The following DPP10 variants were observed in gnomAD, a reference collection of about 807,000 sequenced individuals.
DPP10 encodes the protein inactive dipeptidyl peptidase 10.
In DPP10, 33 loss-of-function variants were observed where a neutral mutation model predicts 120.9. That is an observed-to-expected ratio of 0.27 (90% confidence interval 0.21 to 0.37). The LOEUF is 0.37. DPP10 is among the 10% of genes least tolerant of loss of function. DPP10 has a pLI of 1.00. For missense variants in DPP10, 816 were observed against 942.8 expected (o/e 0.87, Z 1.76); for synonymous variants, 337 against 326.1 (o/e 1.03, Z -0.36).
chr2:115,174,142 C>G (rs753383943), intron 1 of DPP10, among the ~76,000 whole-genome samples: 7 of 152,122 alleles, frequency 4.6e-5, no homozygotes, highest in Non-Finnish European at 7.4e-5. Context: ...ATAAGGTTAA[C>G]TATCATGGTT....
chr2:115,215,346 T>C (rs2056757502), intron 1 of DPP10, among the ~76,000 whole-genome samples: 1 of 152,198 alleles, frequency 6.6e-6, no homozygotes, highest in Non-Finnish European at 1.5e-5. Context: ...GATTAACATA[T>C]TAAGTTCTGA....
At chr2:114,948,937 T>A (rs1333489964) in intron 1 of DPP10, among the ~76,000 whole-genome samples, 6 of 151,904 alleles carry the variant, frequency 3.9e-5, no homozygotes, top group Admixed American at 1.3e-4. Flanking sequence ...TTTGTTTTTT[T>A]TTTTTGAGAG....
At chr2:115,148,887 A>T (rs2051379125) in intron 1 of DPP10, among the ~76,000 whole-genome samples, 1 of 151,992 alleles carries the variant, frequency 6.6e-6, no homozygotes, top group Admixed American at 6.6e-5. Flanking sequence ...CTTTTTTTGC[A>T]TTTTTATTGT....
At chr2:114,901,430 T>G (rs943887482) in intron 1 of DPP10, among the ~76,000 whole-genome samples, 2 of 152,110 alleles carry the variant, frequency 1.3e-5, no homozygotes, top group African/African-American at 2.4e-5. Flanking sequence ...TCTCCTGACC[T>G]CGTGATCTGC....
intron 1 of DPP10, among the ~76,000 whole-genome samples, chr2:115,093,498 G>A (rs1573586993): frequency 6.6e-6 from 1 of 152,008 alleles, no homozygotes; most frequent in African/African-American, 2.4e-5. Flanking sequence ...TGATAGTTAT[G>A]TAAAGTTTAT....
chr2:115,216,870 G>GTGTATATATGTGTAT (rs2056856036), intron 1 of DPP10, among the ~76,000 whole-genome samples: 1 of 151,900 alleles, frequency 6.6e-6, no homozygotes, highest in Non-Finnish European at 1.5e-5. Context: ...TTTGGACATA[G>GTGTATATATGTGTAT]ACATATACGT....
At chr2:115,682,599 G>C (rs1028346798) in intron 5 of DPP10, among the ~76,000 whole-genome samples, 1 of 151,610 alleles carries the variant, frequency 6.6e-6, no homozygotes, top group African/African-American at 2.4e-5. Flanking sequence ...ATCTCCTTTG[G>C]GGTAATAAAG....
intron 1 of DPP10, among the ~76,000 whole-genome samples, chr2:114,471,631 GAA>G (rs1679920271): frequency 6.6e-6 from 1 of 152,100 alleles, no homozygotes; most frequent in African/African-American, 2.4e-5. Context: ...TTTTCAATAT[GAA>G]AAAAGAGTCT....
At chr2:114,729,578 G>T (rs1676687248) in intron 1 of DPP10, among the ~76,000 whole-genome samples, 1 of 152,182 alleles carries the variant, frequency 6.6e-6, no homozygotes, top group Admixed American at 6.5e-5. Flanking sequence ...AGTCCCCTGG[G>T]AATTTGTCAG....
At chr2:115,134,658 T>C (rs2050553874) in intron 1 of DPP10, among the ~76,000 whole-genome samples, 1 of 151,974 alleles carries the variant, frequency 6.6e-6, no homozygotes, top group Non-Finnish European at 1.5e-5. Flanking sequence ...GGCCTTCATC[T>C]AAAAAGATCA....
chr2:115,750,874 A>C (rs773995770), intron 10 of DPP10, among the ~76,000 whole-genome samples: 6 of 152,148 alleles, frequency 3.9e-5, no homozygotes, highest in Non-Finnish European at 7.4e-5. Flanking sequence ...ACCAACTTTG[A>C]AAAGGAAAGC....
At chr2:115,764,904 A>G (rs1384181463) in intron 12 of DPP10, among the ~76,000 whole-genome samples, 1 of 152,152 alleles carries the variant, frequency 6.6e-6, no homozygotes, top group Non-Finnish European at 1.5e-5. Context: ...GTCTTTTTGC[A>G]TAGCAGAAAA....
chr2:114,505,132 A>C (rs1683535734), intron 1 of DPP10, among the ~76,000 whole-genome samples: 1 of 151,694 alleles, frequency 6.6e-6, no homozygotes, highest in South Asian at 2.1e-4. Flanking sequence ...AATTTGCTAA[A>C]ATTTTACATA....
chr2:115,160,691 G>A (rs780184895), intron 1 of DPP10, among the ~76,000 whole-genome samples: 19 of 152,142 alleles, frequency 1.2e-4, no homozygotes, highest in Non-Finnish European at 1.8e-4. Context: ...GGCTTTAGGC[G>A]CCCTAGGGAA....
At chr2:115,089,370 A>T (rs1709050663) in intron 1 of DPP10, among the ~76,000 whole-genome samples, 1 of 152,138 alleles carries the variant, frequency 6.6e-6, no homozygotes, top group South Asian at 2.1e-4. Flanking sequence ...TGCCATTGGA[A>T]TTTCCAACTG....
intron 1 of DPP10, among the ~76,000 whole-genome samples, chr2:114,844,664 A>G (rs1198886416): frequency 6.6e-6 from 1 of 151,850 alleles, no homozygotes; most frequent in Non-Finnish European, 1.5e-5. Context: ...TCTACTTTCT[A>G]TTTTTTATTT....
chr2:115,696,014 G>C (rs1240655561), intron 7 of DPP10, among the ~76,000 whole-genome samples: 3 of 152,004 alleles, frequency 2.0e-5, no homozygotes, highest in Non-Finnish European at 4.4e-5. Flanking sequence ...GGAGAAGAAA[G>C]AAGTAGTGAA....
At chr2:115,567,040 C>T (rs905547949) in intron 5 of DPP10, among the ~76,000 whole-genome samples, 5 of 151,816 alleles carry the variant, frequency 3.3e-5, no homozygotes, top group African/African-American at 9.7e-5. Context: ...AAAAGCAAAC[C>T]GACTCATTAC....
chr2:115,068,743 G>T (rs1238650728), intron 1 of DPP10, among the ~76,000 whole-genome samples: 1 of 152,058 alleles, frequency 6.6e-6, no homozygotes, highest in Non-Finnish European at 1.5e-5. Flanking sequence ...GTTGATTTAT[G>T]TAGACAGTGT....
Sources: allele counts gnomAD v4.1 joint callset (sites outside exome capture counted in the v4.1 genomes callset), GRCh38; gene constraint gnomAD v4.1.1; transcripts MANE v1.5; gene names NCBI Gene and HGNC (gene_info 2026-07-23, HGNC 2026-07-21).